The following WWOX variants were observed in gnomAD, a reference collection of about 807,000 sequenced individuals.
WWOX encodes the protein WW domain containing oxidoreductase, also known as WW domain-containing oxidoreductase.
WWOX carries 69 observed loss-of-function variants against 46.2 expected under a neutral mutation model. The observed-to-expected ratio is 1.49, with a 90% CI of 1.23 to 1.82. WWOX has a LOEUF of 1.82. WWOX is among the 40% of genes most tolerant of loss of function. The pLI is 0.00. For synonymous variants in WWOX, 359 were observed against 202.6 expected (o/e 1.77, Z -6.56); for missense variants, 919 against 542.6 (o/e 1.69, Z -6.89).
intron 8 of WWOX, among the ~76,000 whole-genome samples, chr16:78,777,875 T>C (rs11150100): frequency 0.29 from 44,445 of 151,522 alleles, 6,879 homozygotes; most frequent in South Asian, 0.39. Context: ...TGAAACCCTG[T>C]CTGTACAAAA....
chr16:78,749,547 G>A (rs949234083), intron 8 of WWOX, among the ~76,000 whole-genome samples: 1 of 152,228 alleles, frequency 6.6e-6, no homozygotes, highest in African/African-American at 2.4e-5. Context: ...CTAGGGCTAT[G>A]CAAAGTAGTT....
intron 5 of WWOX, among the ~76,000 whole-genome samples, chr16:78,381,505 C>G (rs914073777): frequency 1.3e-5 from 2 of 152,190 alleles, no homozygotes; most frequent in African/African-American, 4.8e-5. Context: ...TAGAAGTTGC[C>G]TGATGCTTCA....
chr16:78,434,048 C>G (rs974652275), intron 8 of WWOX, among the ~76,000 whole-genome samples: 8 of 152,106 alleles, frequency 5.3e-5, no homozygotes, highest in African/African-American at 1.9e-4. Flanking sequence ...CTCGGCCTCC[C>G]AAAGTGCTGG....
chr16:79,003,178 C>T (rs923640380), intron 8 of WWOX, among the ~76,000 whole-genome samples: 10 of 152,092 alleles, frequency 6.6e-5, no homozygotes, highest in African/African-American at 2.2e-4. Context: ...TTTGAGAGCC[C>T]AATAAAACTA....
At chr16:78,356,807 G>C (rs1216835984) in intron 5 of WWOX, among the ~76,000 whole-genome samples, 2 of 152,136 alleles carry the variant, frequency 1.3e-5, no homozygotes, top group Non-Finnish European at 2.9e-5. Flanking sequence ...TCTTGAACCT[G>C]GGAGGTGGAG....
chr16:78,123,880 G>C (rs1409293722), intron 4 of WWOX: 2 of 152,092 alleles, frequency 1.3e-5, no homozygotes, highest in Non-Finnish European at 2.9e-5. Context: ...AAGAAAACGT[G>C]TCCTTTTGGG....
intron 8 of WWOX, among the ~76,000 whole-genome samples, chr16:79,164,658 A>T (rs1218087481): frequency 6.6e-6 from 1 of 152,216 alleles, no homozygotes; most frequent in Non-Finnish European, 1.5e-5. Flanking sequence ...CCACTTTATT[A>T]AAATGAATTT....
At chr16:78,508,953 C>G (rs964348841) in intron 8 of WWOX, among the ~76,000 whole-genome samples, 1 of 152,202 alleles carries the variant, frequency 6.6e-6, no homozygotes, top group African/African-American at 2.4e-5. Context: ...CAAAAGTATC[C>G]TCTCTAGGCA....
chr16:78,620,152 G>A lies in WWOX; in HGVS notation c.1056+187400G>A, dbSNP rs568040590. Among the ~76,000 whole-genome samples, 182 of 152,246 alleles carry A rather than the reference G, an allele frequency of 1.2e-3. No individual in the cohort carries two copies. The Middle Eastern group carries it at 0.017, about 14-fold the overall frequency. ...TGTACCTAGTAGCTAATGGTGAGTA[G>A]GATGAATAATAATACTATACCTTTT... On this transcript the variant is annotated intron_variant, in intron 8 of 8. Transcript: ENST00000566780.
intron 6 of WWOX, among the ~76,000 whole-genome samples, chr16:78,408,950 C>G (rs1305981767): frequency 6.6e-6 from 1 of 152,124 alleles, no homozygotes; most frequent in African/African-American, 2.4e-5. Flanking sequence ...GTTAATTTTT[C>G]TACTGTACAG....
At chr16:78,278,323 A>G (rs1437348318) in intron 5 of WWOX, among the ~76,000 whole-genome samples, 1 of 152,184 alleles carries the variant, frequency 6.6e-6, no homozygotes, top group African/African-American at 2.4e-5. Flanking sequence ...TTGTTGTAGC[A>G]GTGTTCAAGG....
At chr16:78,389,063 T>C (rs1012135524) in intron 6 of WWOX, among the ~76,000 whole-genome samples, 9 of 151,658 alleles carry the variant, frequency 5.9e-5, no homozygotes, top group East Asian at 1.9e-4. Context: ...TTAGTGAGAG[T>C]TGCAACATCG....
intron 8 of WWOX, among the ~76,000 whole-genome samples, chr16:78,483,421 AAT>A (rs2084546274): frequency 7.4e-6 from 1 of 134,744 alleles, no homozygotes; most frequent in South Asian, 2.2e-4. Context: ...ATCTGCGTAG[AAT>A]TTTTTTTTTT....
At position 78,469,279 on chromosome 16, in the gene WWOX, A is replaced by G. The variant is rs114777810; in HGVS notation, c.1056+36527A>G. Among the ~76,000 whole-genome samples the G allele has an allele frequency of 2.1e-3, 316 of 152,182 alleles. 1 individual carries two copies. The highest frequency in any genetic ancestry group is 7.1e-3 in the African/African-American group (295 of 41,582). ...TGTAAAATATTTAAGAACTGGTACTATGAAGACATTTCCCTTATGCAATTT... is the reference window on the plus strand; with the variant it reads ...TGTAAAATATTTAAGAACTGGTACTGTGAAGACATTTCCCTTATGCAATTT... On this transcript the variant is annotated intron_variant, in intron 8 of 8. Transcript: ENST00000566780.
intron 8 of WWOX, among the ~76,000 whole-genome samples, chr16:79,192,450 G>T (rs2051155801): frequency 6.6e-6 from 1 of 152,114 alleles, no homozygotes; most frequent in African/African-American, 2.4e-5. Context: ...CATTTTCAAG[G>T]AGCTTATTGC....
chr16:78,173,638 G>A (rs901640461), intron 5 of WWOX, among the ~76,000 whole-genome samples: 1 of 152,056 alleles, frequency 6.6e-6, no homozygotes, highest in African/African-American at 2.4e-5. Flanking sequence ...ACCTGCAGAT[G>A]CTAATATGAC....
chr16:79,113,514 T>G (rs2150661300), intron 8 of WWOX, among the ~76,000 whole-genome samples: 1 of 152,374 alleles, frequency 6.6e-6, no homozygotes, highest in South Asian at 2.1e-4. Flanking sequence ...ATTGTATATG[T>G]TAATTCAAAT....
At chr16:78,828,146 A>C (rs2051714613) in intron 8 of WWOX, among the ~76,000 whole-genome samples, 1 of 152,158 alleles carries the variant, frequency 6.6e-6, no homozygotes, top group Non-Finnish European at 1.5e-5. Flanking sequence ...TGACAGTAGG[A>C]ATGAGAGAGG....
rs1242689946 is a variant in WWOX, at chr16:78,583,159, C to G, written c.1056+150407C>G. On this transcript the variant is annotated intron_variant, in intron 8 of 8. Transcript: ENST00000566780. ...CTTGTGAGTCTCTTAATTGGGGTGT[C>G]TTGTAATGCAAAGTCTTTAAAGATG... 2.6e-5 allele frequency among the ~76,000 whole-genome samples: 4 copies of G among 152,128 alleles called. No homozygotes were observed. In the East Asian group the frequency reaches 5.8e-4, roughly 22 times the overall value.
Sources: gnomAD v4.1 joint callset for allele counts (sites outside exome capture counted in the v4.1 genomes callset) on GRCh38, gnomAD v4.1.1 for gene constraint, MANE v1.5 for transcripts, NCBI Gene and HGNC (gene_info 2026-07-23, HGNC 2026-07-21) for gene names.